Variants in VPS13C observed in about 807,000 individuals in gnomAD.
VPS13C encodes vacuolar protein sorting 13 homolog C.
VPS13C carries 358 observed loss-of-function variants against 456.8 expected under a neutral mutation model. That is an observed-to-expected ratio of 0.78 (90% CI 0.72 to 0.86). VPS13C has a LOEUF of 0.86. Ranked by LOEUF, VPS13C falls within the 40% of genes least tolerant of loss-of-function variation. The pLI is 0.00. For synonymous variants in VPS13C, 1,578 were observed against 1,486.7 expected (o/e 1.06, Z -1.41); for missense variants, 4,818 against 4,385.4 (o/e 1.10, Z -2.79).
chr15:61,956,220 C>T (rs1024993999), intron 37 of VPS13C, among the ~76,000 whole-genome samples: 1 of 151,650 alleles, frequency 6.6e-6, no homozygotes, highest in African/African-American at 2.4e-5. Context: ...TTAATTAGCT[C>T]AGCAAGAGAA....
At chr15:61,884,345 T>C (rs984467083) in intron 67 of VPS13C, 76 bp from the exon 68 acceptor site, 14 of 1,430,146 alleles carry the variant, frequency 9.8e-6, no homozygotes, top group South Asian at 2.6e-5. Flanking sequence ...CTCCAGATTA[T>C]TGTAACTATT....
chr15:61,977,214 TTAAGA>T lies in VPS13C; in HGVS notation c.2291-20_2291-16del, dbSNP rs2045730170. 1 of 1,428,532 alleles carries T rather than the reference TTAAGA, an allele frequency of 7.0e-7. No individual in the cohort carries two copies. The highest frequency in any genetic ancestry group is 9.4e-7 in the Non-Finnish European group (1 of 1,060,058). The allele number at this position is 1,428,532 out of a possible 1,614,324, so 88.5% of individuals were successfully genotyped here. A position where few individuals can be genotyped will look rare whatever the true frequency, so the allele number is the denominator to read the frequency against. On this transcript the variant is annotated splice_polypyrimidine_tract_variant and intron_variant, in intron 23 of 84. Transcript: ENST00000644861. ...CCAGGTTTCCTCTTTAAAAAATAAT[TTAAGA>T]TATTATTTATTATTTTTACAAACAG...
At chr15:61,982,664 T>G in intron 20 of VPS13C, 91 bp from the exon 21 acceptor site, 401 of 771,350 alleles carry the variant, frequency 5.2e-4, no homozygotes, top group Non-Finnish European at 7.5e-4. Context: ...TAAACAGCTG[T>G]AGCTTTGAAC....
chr15:62,038,201 A>C (rs1323919913), intron 3 of VPS13C, among the ~76,000 whole-genome samples: 1 of 152,158 alleles, frequency 6.6e-6, no homozygotes, highest in Non-Finnish European at 1.5e-5. Flanking sequence ...AACTGAGGAA[A>C]AACTCATCTG....
rs1165950030 is a variant in VPS13C at position 61,927,310 on chromosome 15, A to C, written c.6297T>G (p.Val2099=). 6.2e-7 allele frequency: 1 copy of C among 1,613,548 alleles called. No homozygotes were observed. The highest frequency in any genetic ancestry group is 1.7e-5 in the Admixed American group (1 of 59,938). ...GKVKIEKDDS[V]RPNMTLKAMI... is the part of the protein sequence containing the mutation. ...TGGCCTTTAAAGTCATATTTGGTCT[A>C]ACAGAGTCATCTGAAGAAACAAGCA... The change falls in exon 52 of 85, where the codon GTT becomes GTG. Residue 2099 remains valine (V), a synonymous_variant. Coordinates refer to ENST00000644861, the MANE Select transcript of VPS13C (RefSeq NM_020821.3).
intron 3 of VPS13C, 37 bp downstream of exon 3, chr15:62,041,287 G>C (rs1438566769): frequency 3.8e-6 from 6 of 1,578,584 alleles, no homozygotes; most frequent in Non-Finnish European, 5.1e-6. Context: ...AAAACAATAG[G>C]ACCAAGAATA....
intron 73 of VPS13C, 145 bp from the exon 74 acceptor site, chr15:61,878,891 C>G: frequency 1.3e-6 from 1 of 779,314 alleles, no homozygotes. Flanking sequence ...CACATTATAG[C>G]AGAACAACCC....
At chr15:61,912,318 A>T (rs1478549050) in intron 62 of VPS13C, among the ~76,000 whole-genome samples, 1 of 152,206 alleles carries the variant, frequency 6.6e-6, no homozygotes, top group Non-Finnish European at 1.5e-5. Context: ...ATTAGTGTAC[A>T]GGCTTTGTTA....
chr15:62,022,583 G>A (rs571403664), intron 8 of VPS13C, among the ~76,000 whole-genome samples: 5 of 151,870 alleles, frequency 3.3e-5, no homozygotes, highest in East Asian at 3.9e-4. Context: ...ATAAGACAGA[G>A]GTGGTATTTT....
Position 62,010,467 on chromosome 15 carries a change from C to A in VPS13C, c.1011+5G>T. Reference sequence around the variant, plus strand: ...CAAAGCTGGAAATATCCACATGAATCATACCTGAGGTTTGGTCAGTTCAAT... The same window carrying A: ...CAAAGCTGGAAATATCCACATGAATAATACCTGAGGTTTGGTCAGTTCAAT... On this transcript the variant is annotated splice_donor_5th_base_variant and intron_variant, in intron 13 of 84. Transcript: ENST00000644861. 1 of 1,593,160 alleles carries A rather than the reference C, an allele frequency of 6.3e-7. No individual in the cohort carries two copies. The highest frequency in any genetic ancestry group is 1.1e-5 in the South Asian group (1 of 87,000).
intron 18 of VPS13C, among the ~76,000 whole-genome samples, chr15:61,985,922 G>A (rs1033467041): frequency 3.3e-5 from 5 of 151,848 alleles, no homozygotes; most frequent in Non-Finnish European, 7.4e-5. Context: ...CCCACCAAAG[G>A]GTAAAAGCAC....
chr15:62,043,493 C>T (rs2048305860), intron 2 of VPS13C, among the ~76,000 whole-genome samples: 1 of 152,140 alleles, frequency 6.6e-6, no homozygotes, highest in Non-Finnish European at 1.5e-5. Flanking sequence ...GTAATCCCAG[C>T]TACTAGGGAG....
At chr15:61,959,179 A>G (rs2045109224) in intron 36 of VPS13C, among the ~76,000 whole-genome samples, 1 of 152,158 alleles carries the variant, frequency 6.6e-6, no homozygotes, top group African/African-American at 2.4e-5. Context: ...ATGTACATAT[A>G]TAATACATGA....
In VPS13C at chr15:61,867,512, A is replaced by G. The variant is rs1054913172; in HGVS notation, c.10863+1147T>C. The G allele has an allele frequency of 7.1e-6, 7 of 991,762 alleles. No individual in the cohort carries two copies. In the African/African-American group the frequency reaches 1.2e-4, roughly 17 times the overall value. 61.4% of individuals were successfully genotyped at this position (991,762 alleles called of 1,614,324 possible). A position where few individuals can be genotyped will look rare whatever the true frequency, so the allele number is the denominator to read the frequency against. On this transcript the variant is annotated intron_variant, in intron 81 of 84. Transcript: ENST00000644861. This position sits in a 1 kb window ranked among gnomAD's most constrained non-coding sequence, Gnocchi z 5.0. ...CATTTGTGAAACAGAAAGCTATGTAATTCCATCATCAAGACTCACAAACAT... is the reference window on the plus strand; with the variant it reads ...CATTTGTGAAACAGAAAGCTATGTAGTTCCATCATCAAGACTCACAAACAT...
At chr15:61,906,459 C>A (rs982149150) in intron 66 of VPS13C, among the ~76,000 whole-genome samples, 1 of 152,206 alleles carries the variant, frequency 6.6e-6, no homozygotes. Context: ...TTGCTACCTT[C>A]TCTCTAGTAT....
chr15:61,972,581 G>C (rs768661112), intron 27 of VPS13C, 44 bp downstream of exon 27: 28 of 1,594,006 alleles, frequency 1.8e-5, no homozygotes, highest in Non-Finnish European at 2.4e-5. Flanking sequence ...TTACAAGATA[G>C]TGACAGCCAG....
intron 3 of VPS13C, among the ~76,000 whole-genome samples, chr15:62,039,781 C>T (rs1415819194): frequency 6.6e-6 from 1 of 152,090 alleles, no homozygotes; most frequent in Non-Finnish European, 1.5e-5. Flanking sequence ...ATTATGGCCA[C>T]TATGGAGAAC....
chr15:61,999,797 G>GA (rs983983968), intron 16 of VPS13C, among the ~76,000 whole-genome samples: 1 of 145,270 alleles, frequency 6.9e-6, no homozygotes, highest in African/African-American at 2.5e-5. Flanking sequence ...AGAAAGAAAG[G>GA]AAAAAAAGGA....
intron 45 of VPS13C, among the ~76,000 whole-genome samples, chr15:61,945,089 C>T (rs2044559788): frequency 6.6e-6 from 1 of 152,194 alleles, no homozygotes. Flanking sequence ...GCTCTTCACC[C>T]TAAGCTTGTT....
Sources: gnomAD v4.1 joint callset for allele counts (sites outside exome capture counted in the v4.1 genomes callset) on GRCh38, gnomAD v4.1.1 for gene constraint, Gnocchi (gnomAD v3.1) non-coding constraint, MANE v1.5 for transcripts, NCBI Gene and HGNC (gene_info 2026-07-23, HGNC 2026-07-21) for gene names.